Variants in NSMCE2 observed in about 807,000 individuals in gnomAD.
The protein encoded by NSMCE2 is NSE2 SUMO ligase component of SMC5/6 complex, also known as E3 SUMO-protein ligase NSE2.
In NSMCE2, 24 loss-of-function variants were observed where a neutral mutation model predicts 23.8. The ratio of observed to expected loss-of-function variants is 1.01; its 90% CI spans 0.73 to 1.42. The LOEUF (loss-of-function observed/expected upper bound fraction) is 1.42, where lower values mean the gene tolerates loss of function less well. Among genes scored for constraint, NSMCE2 ranks in the 40% most tolerant of loss-of-function variants. The pLI, the probability that NSMCE2 is intolerant of heterozygous loss-of-function variation, is 0.00. For synonymous variants in NSMCE2, 92 were observed against 94.1 expected (o/e 0.98, Z 0.13); for missense variants, 284 against 296.5 (o/e 0.96, Z 0.31).
intron 5 of NSMCE2, among the ~76,000 whole-genome samples, chr8:125,343,358 TATG>T (rs1830315608): frequency 6.6e-6 from 1 of 152,256 alleles, no homozygotes; most frequent in Non-Finnish European, 1.5e-5. Context: ...GAAAACAAAT[TATG>T]ATATCAGGTC....
intron 4 of NSMCE2, among the ~76,000 whole-genome samples, chr8:125,161,753 C>G (rs1025899106): frequency 2.7e-5 from 4 of 149,422 alleles, no homozygotes; most frequent in African/African-American, 1.0e-4. Context: ...GATTGCACCA[C>G]TGCACTCCAG....
intron 3 of NSMCE2, among the ~76,000 whole-genome samples, chr8:125,114,516 AC>A (rs1818904427): frequency 1.3e-5 from 2 of 152,246 alleles, no homozygotes; most frequent in Admixed American, 6.5e-5. Context: ...ATGTATACAT[AC>A]ATACGTACAT....
chr8:125,232,048 A>AT (rs1268965555), intron 5 of NSMCE2, among the ~76,000 whole-genome samples: 1 of 152,216 alleles, frequency 6.6e-6, no homozygotes, highest in Non-Finnish European at 1.5e-5. Context: ...CATCTTGAAC[A>AT]TCAGTTGAGA....
At chr8:125,224,400 T>G (rs1825004926) in intron 5 of NSMCE2, among the ~76,000 whole-genome samples, 1 of 152,210 alleles carries the variant, frequency 6.6e-6, no homozygotes, top group African/African-American at 2.4e-5. Flanking sequence ...GTGGAGCTAT[T>G]CCTAGTTTTC....
intron 5 of NSMCE2, among the ~76,000 whole-genome samples, chr8:125,347,317 A>G (rs1812811507): frequency 6.6e-6 from 1 of 152,142 alleles, no homozygotes; most frequent in Non-Finnish European, 1.5e-5. Flanking sequence ...TTGTCTCAAT[A>G]TCCTTCCCTC....
chr8:125,213,707 CCCTTCCTTCCTTCCTTATTT>C (rs56091727), intron 5 of NSMCE2, among the ~76,000 whole-genome samples: 2 of 123,330 alleles, frequency 1.6e-5, no homozygotes, highest in African/African-American at 3.4e-5. Context: ...TTCCCTCCCT[CCCTTCCTTCCTTCCTTATTT>C]CCTTCCTTCC....
intron 1 of NSMCE2, among the ~76,000 whole-genome samples, chr8:125,095,391 C>A (rs1419251695): frequency 6.6e-6 from 1 of 151,870 alleles, no homozygotes; most frequent in Non-Finnish European, 1.5e-5. Context: ...GAGTTTGAGA[C>A]CAGCTTGGGC....
chr8:125,354,418 C>T (rs1813166588), intron 5 of NSMCE2, among the ~76,000 whole-genome samples: 1 of 152,146 alleles, frequency 6.6e-6, no homozygotes, highest in Non-Finnish European at 1.5e-5. Flanking sequence ...TATGTATTTT[C>T]GATTACCGGA....
At chr8:125,176,318 C>A (rs2130785037) in intron 4 of NSMCE2, among the ~76,000 whole-genome samples, 1 of 152,356 alleles carries the variant, frequency 6.6e-6, no homozygotes, top group African/African-American at 2.4e-5. Context: ...CACTTCTCTG[C>A]AGCATTTGAC....
intron 4 of NSMCE2, among the ~76,000 whole-genome samples, chr8:125,175,853 G>T (rs925139236): frequency 2.4e-4 from 37 of 152,174 alleles, no homozygotes; most frequent in Non-Finnish European, 1.2e-4. Flanking sequence ...TTTAATATTT[G>T]TGTTAAAATA....
At chr8:125,310,794 G>A (rs949164569) in intron 5 of NSMCE2, among the ~76,000 whole-genome samples, 1 of 152,070 alleles carries the variant, frequency 6.6e-6, no homozygotes, top group Non-Finnish European at 1.5e-5. Flanking sequence ...ATTTACCGAG[G>A]AGTATAATGT....
chr8:125,165,071 G>A (rs1265393886), intron 4 of NSMCE2, among the ~76,000 whole-genome samples: 1 of 152,216 alleles, frequency 6.6e-6, no homozygotes, highest in Non-Finnish European at 1.5e-5. Flanking sequence ...TGCAATTGGA[G>A]TCAGAAGACC....
intron 4 of NSMCE2, among the ~76,000 whole-genome samples, chr8:125,174,880 T>C (rs1482135238): frequency 1.3e-5 from 2 of 152,174 alleles, no homozygotes; most frequent in East Asian, 1.9e-4. Flanking sequence ...CACACTCAGC[T>C]ACAGATAATT....
At chr8:125,201,579 G>A (rs1169744367) in intron 5 of NSMCE2, among the ~76,000 whole-genome samples, 1 of 152,116 alleles carries the variant, frequency 6.6e-6, no homozygotes, top group Non-Finnish European at 1.5e-5. Context: ...TCCCAGAGGG[G>A]CACCCGCCTG....
chr8:125,235,442 C>A (rs530245590), intron 5 of NSMCE2, among the ~76,000 whole-genome samples: 1 of 152,042 alleles, frequency 6.6e-6, no homozygotes, highest in Non-Finnish European at 1.5e-5. Context: ...AAAGATAACT[C>A]CTCTGACCCC....
At chr8:125,295,511 A>G (rs909541889) in intron 5 of NSMCE2, among the ~76,000 whole-genome samples, 3 of 152,238 alleles carry the variant, frequency 2.0e-5, no homozygotes, top group African/African-American at 7.2e-5. Flanking sequence ...TGACCCCCTG[A>G]GAGAATAACA....
intron 5 of NSMCE2, among the ~76,000 whole-genome samples, chr8:125,265,559 ATGC>A (rs1826876545): frequency 6.6e-6 from 1 of 152,172 alleles, no homozygotes. Flanking sequence ...TTGCGTTAAA[ATGC>A]TGCTATCTTT....
intron 5 of NSMCE2, among the ~76,000 whole-genome samples, chr8:125,224,918 G>GA (rs908506780): frequency 3.3e-5 from 5 of 152,112 alleles, no homozygotes; most frequent in African/African-American, 9.7e-5. Context: ...TGAGGAAAAA[G>GA]AAAAAATCTT....
intron 5 of NSMCE2, among the ~76,000 whole-genome samples, chr8:125,272,776 C>T (rs1391261723): frequency 1.4e-5 from 2 of 140,648 alleles, no homozygotes; most frequent in African/African-American, 2.7e-5. Context: ...TACACACACA[C>T]GTATATATAT....
Sources: gnomAD v4.1 joint callset for allele counts (sites outside exome capture counted in the v4.1 genomes callset) on GRCh38, gnomAD v4.1.1 for gene constraint, MANE v1.5 for transcripts, NCBI Gene and HGNC (gene_info 2026-07-23, HGNC 2026-07-21) for gene names.